The following ZNF532 variants were observed in gnomAD, a reference collection of about 807,000 sequenced individuals.
ZNF532 encodes zinc finger protein 532.
ZNF532 carries 22 observed loss-of-function variants against 89.3 expected under a neutral mutation model. The observed-to-expected ratio is 0.25, with a 90% confidence interval of 0.18 to 0.35. The LOEUF (loss-of-function observed/expected upper bound fraction) is 0.35, where lower values mean the gene tolerates loss of function less well. ZNF532 is among the 10% of genes least tolerant of loss of function. ZNF532 has a pLI of 1.00. For missense variants in ZNF532, 1,132 were observed against 1,643.4 expected (o/e 0.69, Z 5.38); for synonymous variants, 606 against 649.6 (o/e 0.93, Z 1.02).
At chr18:58,866,950 T>G (rs1328862959) in intron 2 of ZNF532, among the ~76,000 whole-genome samples, 1 of 152,262 alleles carries the variant, frequency 6.6e-6, no homozygotes, top group African/African-American at 2.4e-5. Context: ...AAATTGGTTT[T>G]CAATTCTCCA....
intron 2 of ZNF532, chr18:58,916,703 AG>A: frequency 2.0e-6 from 2 of 985,336 alleles, no homozygotes; most frequent in Non-Finnish European, 1.2e-6. Flanking sequence ...CAAATTCTTC[AG>A]TGTGTTTGGA....
chr18:58,965,830 G>T (rs1603307175), intron 7 of ZNF532, among the ~76,000 whole-genome samples: 2 of 152,194 alleles, frequency 1.3e-5, no homozygotes, highest in Admixed American at 1.3e-4. Flanking sequence ...TGTATCTGGG[G>T]GCTGCATGGA....
At chr18:58,924,950 A>G (rs2061412032) in intron 3 of ZNF532, among the ~76,000 whole-genome samples, 1 of 152,248 alleles carries the variant, frequency 6.6e-6, no homozygotes, top group African/African-American at 2.4e-5. Context: ...TATCAATAGT[A>G]TATTCCTTTT....
At chr18:58,891,394 A>G (rs561280979) in intron 2 of ZNF532, among the ~76,000 whole-genome samples, 6 of 152,278 alleles carry the variant, frequency 3.9e-5, no homozygotes, top group South Asian at 2.1e-4. Flanking sequence ...GCTGGGCATC[A>G]TGGCGCATGC....
intron 2 of ZNF532, among the ~76,000 whole-genome samples, chr18:58,875,931 C>CTTT (rs71173091): frequency 0.012 from 1,316 of 112,808 alleles, 87 homozygotes; most frequent in African/African-American, 0.028. Context: ...ACTTGGGGAT[C>CTTT]TTTTTTTTTT....
chr18:58,930,349 G>A (rs1202274755), intron 3 of ZNF532, among the ~76,000 whole-genome samples: 4 of 152,054 alleles, frequency 2.6e-5, no homozygotes, highest in Admixed American at 6.5e-5. Context: ...TAAGAGTACC[G>A]GGCGCAGTGG....
intron 7 of ZNF532, among the ~76,000 whole-genome samples, chr18:58,956,179 T>C (rs544525391): frequency 6.6e-6 from 1 of 152,250 alleles, no homozygotes; most frequent in Non-Finnish European, 1.5e-5. Context: ...GCCTTTGCTC[T>C]GGACCTGCAG....
intron 6 of ZNF532, among the ~76,000 whole-genome samples, chr18:58,949,300 C>T (rs1026488882): frequency 1.3e-5 from 2 of 152,066 alleles, no homozygotes; most frequent in African/African-American, 4.8e-5. Flanking sequence ...AGATAATATC[C>T]ATTGGCTTTC....
chr18:58,868,985 G>A (rs938128412), intron 2 of ZNF532, among the ~76,000 whole-genome samples: 2 of 152,126 alleles, frequency 1.3e-5, no homozygotes, highest in Non-Finnish European at 2.9e-5. Flanking sequence ...GCATCTTACT[G>A]TACTGCATAC....
intron 2 of ZNF532, among the ~76,000 whole-genome samples, chr18:58,880,235 G>C (rs1460683876): frequency 6.6e-6 from 1 of 152,232 alleles, no homozygotes; most frequent in Non-Finnish European, 1.5e-5. Flanking sequence ...TTGCAGTGAA[G>C]ATGAGCTAAC....
chr18:58,916,215 A>C (rs2060590169), intron 2 of ZNF532, among the ~76,000 whole-genome samples: 1 of 152,234 alleles, frequency 6.6e-6, no homozygotes, highest in African/African-American at 2.4e-5. Flanking sequence ...CAGGATGATG[A>C]ATAGAAAGAA....
At chr18:58,881,351 G>A (rs1275864368) in intron 2 of ZNF532, among the ~76,000 whole-genome samples, 1 of 152,050 alleles carries the variant, frequency 6.6e-6, no homozygotes, top group Non-Finnish European at 1.5e-5. Context: ...GGCCAGGCTG[G>A]TCTTGAACTC....
In ZNF532 at chr18:58,984,205, C is replaced by T. The variant is rs371603128; in HGVS notation, c.3645C>T (p.His1215=). ...AGTGTGGCCTCTGCTACACGTCTCA[C>T]GTCTCTCTGTCCAGGCACCTCTTCA... ...CRECGLCYTS[H]VSLSRHLFIV... is the part of the protein sequence containing the mutation. The change falls in exon 10 of 10, where the codon CAC becomes CAT. Residue 1215 remains histidine, a synonymous_variant. Coordinates refer to ENST00000591808, the MANE Select transcript of ZNF532 (RefSeq NM_001375912.1). 1.5e-4 allele frequency: 247 copies of T among 1,611,794 alleles called. No individual in the cohort carries two copies. The highest frequency in any genetic ancestry group is 1.9e-4 in the Non-Finnish European group (223 of 1,179,848).
chr18:58,888,696 A>AATTT (rs1555708738), intron 2 of ZNF532, among the ~76,000 whole-genome samples: 1 of 57,566 alleles, frequency 1.7e-5, no homozygotes, highest in African/African-American at 1.1e-4. Flanking sequence ...CAAAAAAAAA[A>AATTT]TTATATATAT....
chr18:58,866,609 T>A (rs1363766361), intron 2 of ZNF532, among the ~76,000 whole-genome samples: 2 of 152,196 alleles, frequency 1.3e-5, no homozygotes, highest in East Asian at 3.9e-4. Context: ...TACTTCGAAG[T>A]GGGCATTTTG....
Position 58,894,335 on chromosome 18 carries a change from T to TA in ZNF532, c.-17-23935dup, listed in dbSNP as rs1441218537. On this transcript the variant is annotated intron_variant, in intron 2 of 9. Coordinates refer to ENST00000591808, the MANE Select transcript of ZNF532 (RefSeq NM_001375912.1). Reference sequence around the variant, plus strand: ...CAAAAAAGTTAGCCGGGTGTGGTGGTATGCACCTGCAATCCCAGCTACTCA... The same window carrying TA: ...CAAAAAAGTTAGCCGGGTGTGGTGGTAATGCACCTGCAATCCCAGCTACTCA... Among the ~76,000 whole-genome samples the TA allele has an allele frequency of 3.3e-5, 5 of 151,824 alleles. No individual in the cohort carries two copies. The South Asian group carries it at 6.3e-4, about 19-fold the overall frequency.
At chr18:58,962,744 G>A (rs2065485188) in intron 7 of ZNF532, among the ~76,000 whole-genome samples, 1 of 152,116 alleles carries the variant, frequency 6.6e-6, no homozygotes, top group Non-Finnish European at 1.5e-5. Flanking sequence ...TGGGACTACA[G>A]GCGCCCACCA....
intron 2 of ZNF532, among the ~76,000 whole-genome samples, chr18:58,880,781 T>TGTGA (rs1432930721): frequency 7.9e-5 from 12 of 151,448 alleles, no homozygotes; most frequent in African/African-American, 2.7e-4. Context: ...CGTCTGTGTG[T>TGTGA]GTGTGTGTAT....
chr18:58,906,887 T>G (rs980030614), intron 2 of ZNF532, among the ~76,000 whole-genome samples: 2 of 152,260 alleles, frequency 1.3e-5, no homozygotes, highest in African/African-American at 4.8e-5. Flanking sequence ...TGTCTTTTAT[T>G]ACAGCATCCA....
Sources: allele counts gnomAD v4.1 joint callset (sites outside exome capture counted in the v4.1 genomes callset), GRCh38; gene constraint gnomAD v4.1.1; transcripts MANE v1.5; gene names NCBI Gene and HGNC (gene_info 2026-07-23, HGNC 2026-07-21).